The following DZIP3 variants were observed in gnomAD, a reference collection of about 807,000 sequenced individuals.
The protein encoded by DZIP3 is DAZ interacting zinc finger protein 3.
DZIP3 carries 118 observed loss-of-function variants against 162.0 expected under a neutral mutation model. That is an observed-to-expected ratio of 0.73 (90% CI 0.63 to 0.85). The LOEUF (loss-of-function observed/expected upper bound fraction) is 0.85. Among genes scored for constraint, DZIP3 ranks in the 40% least tolerant of loss-of-function variants. DZIP3 has a pLI of 0.00. For missense variants in DZIP3, 1,331 were observed against 1,407.0 expected (o/e 0.95, Z 0.86); for synonymous variants, 438 against 458.6 (o/e 0.96, Z 0.57).
chr3:108,671,137 A>AT (rs559860961), intron 22 of DZIP3, among the ~76,000 whole-genome samples: 4 of 151,804 alleles, frequency 2.6e-5, no homozygotes, highest in African/African-American at 9.6e-5. Context: ...CCGATTTGTA[A>AT]TTTTTTTCTT....
Position 108,669,681 on chromosome 3 carries a change from A to C in DZIP3, c.2424A>C (p.Lys808Asn). The C allele has an allele frequency of 1.2e-6, 2 of 1,610,870 alleles. No individual in the cohort carries two copies. The highest frequency in any genetic ancestry group is 8.5e-7 in the Non-Finnish European group (1 of 1,178,128). The change falls in exon 22 of 33, where the codon AAA (lysine) becomes AAC (asparagine). Residue 808 changes from lysine (K) to asparagine (N), a missense_variant and splice_region_variant. This residue lies in a region of DZIP3 where 1,278 missense variants were observed against 1,317.1 expected (regional missense o/e 0.97). Coordinates refer to ENST00000361582, the MANE Select transcript of DZIP3 (RefSeq NM_014648.4). The stretch of plus-strand genomic sequence containing the variant: ...TTGACTTTCTTGCTTGTTTGCTTAG[A>C]TTACAGCGTCAAATCCATGCTAAAG... ...QVAFGINKVS[K>N]LQRQIHAKDN...
chr3:108,629,008 CCA>C, intron 7 of DZIP3, 52 bp from the exon 8 acceptor site: 1 of 1,077,906 alleles, frequency 9.3e-7, no homozygotes, highest in Non-Finnish European at 1.3e-6. Flanking sequence ...CATTGGTAAA[CCA>C]TGCATCTACA....
intron 22 of DZIP3, among the ~76,000 whole-genome samples, chr3:108,671,468 A>G (rs947521652): frequency 2.0e-5 from 3 of 151,918 alleles, no homozygotes; most frequent in Non-Finnish European, 4.4e-5. Context: ...CTGAGATGGG[A>G]TAGATTAAAA....
At chr3:108,637,897 C>A (rs1942230864) in intron 12 of DZIP3, among the ~76,000 whole-genome samples, 1 of 152,112 alleles carries the variant, frequency 6.6e-6, no homozygotes, top group African/African-American at 2.4e-5. Context: ...TTAGAATCTT[C>A]CTGTTTCTTA....
At chr3:108,680,091 A>G (rs1344419662) in intron 26 of DZIP3, among the ~76,000 whole-genome samples, 3 of 152,132 alleles carry the variant, frequency 2.0e-5, no homozygotes, top group African/African-American at 7.2e-5. Context: ...ACAAAATTCA[A>G]CGTCAGTTTA....
At chr3:108,602,206 C>T (rs1940058848) in intron 1 of DZIP3, among the ~76,000 whole-genome samples, 1 of 152,066 alleles carries the variant, frequency 6.6e-6, no homozygotes, top group Non-Finnish European at 1.5e-5. Flanking sequence ...AAAAATTATG[C>T]ATAAGAGCTG....
intron 19 of DZIP3, among the ~76,000 whole-genome samples, chr3:108,661,390 A>G (rs894957526): frequency 5.1e-4 from 77 of 152,166 alleles, no homozygotes; most frequent in African/African-American, 1.8e-3. Context: ...CAAGGACAAA[A>G]AACGAAACAC....
chr3:108,593,189 T>G (rs1368614618), intron 1 of DZIP3, among the ~76,000 whole-genome samples: 1 of 152,238 alleles, frequency 6.6e-6, no homozygotes, highest in African/African-American at 2.4e-5. Context: ...ATAATAATAG[T>G]TTACACTTAT....
At chr3:108,616,508 T>TA in intron 4 of DZIP3, 33 bp from the exon 5 acceptor site, 1 of 1,425,936 alleles carries the variant, frequency 7.0e-7, no homozygotes, top group Non-Finnish European at 9.8e-7. Flanking sequence ...TGTTCAGACT[T>TA]ATAGACATTT....
upstream of DZIP3, chr3:108,589,541 G>C: frequency 1.9e-6 from 1 of 513,612 alleles, no homozygotes. Context: ...ACCGTTCTCG[G>C]TGACGGCCGG....
At chr3:108,678,137 A>G (rs754595233) in intron 26 of DZIP3, among the ~76,000 whole-genome samples, 23 of 151,782 alleles carry the variant, frequency 1.5e-4, no homozygotes, top group Non-Finnish European at 3.2e-4. Flanking sequence ...GATCTAGGTT[A>G]TGTGCTCCTT....
intron 7 of DZIP3, among the ~76,000 whole-genome samples, chr3:108,627,226 A>G: frequency 6.6e-6 from 1 of 152,224 alleles, no homozygotes; most frequent in East Asian, 1.9e-4. Flanking sequence ...CTCAGATGTG[A>G]AAACTGTTTT....
intron 3 of DZIP3, among the ~76,000 whole-genome samples, chr3:108,609,522 A>G (rs1391390980): frequency 7.9e-5 from 12 of 152,158 alleles, no homozygotes; most frequent in Non-Finnish European, 1.2e-4. Flanking sequence ...AGCATCAAAT[A>G]TTTTTTGACA....
intron 27 of DZIP3, among the ~76,000 whole-genome samples, chr3:108,685,394 G>C (rs1944462490): frequency 4.6e-5 from 7 of 152,074 alleles, no homozygotes; most frequent in Admixed American, 4.6e-4. Context: ...CTTAGGCTCT[G>C]TACAAATTAT....
intron 5 of DZIP3, among the ~76,000 whole-genome samples, chr3:108,619,915 AC>A (rs1229177875): frequency 6.6e-6 from 1 of 151,676 alleles, no homozygotes; most frequent in African/African-American, 2.4e-5. Context: ...AAAAAAAAAA[AC>A]AGGAAATTGA....
intron 23 of DZIP3, 79 bp from the exon 24 acceptor site, chr3:108,673,994 AAATTT>A: frequency 9.3e-7 from 1 of 1,070,728 alleles, no homozygotes; most frequent in African/African-American, 1.6e-5. Flanking sequence ...AAATAGCTTT[AAATTT>A]ACTTGAGATG....
chr3:108,642,101 G>C (rs1473405583), intron 12 of DZIP3, among the ~76,000 whole-genome samples: 2 of 152,118 alleles, frequency 1.3e-5, no homozygotes, highest in African/African-American at 4.8e-5. Context: ...TTCCAGATTT[G>C]CTATTTTTTT....
intron 19 of DZIP3, among the ~76,000 whole-genome samples, chr3:108,657,533 A>T (rs987043594): frequency 1.6e-4 from 24 of 152,292 alleles, no homozygotes; most frequent in East Asian, 9.6e-4. Context: ...AACTGCAAAA[A>T]CATGCCAAAT....
chr3:108,671,874 CTG>C (rs1341524882), intron 22 of DZIP3, among the ~76,000 whole-genome samples: 1 of 151,898 alleles, frequency 6.6e-6, no homozygotes, highest in Non-Finnish European at 1.5e-5. Context: ...TGTGAGGAAA[CTG>C]AGGTATAGAG....
Sources: gnomAD v4.1 joint callset for allele counts (sites outside exome capture counted in the v4.1 genomes callset) on GRCh38, gnomAD v4.1.1 for gene constraint, gnomAD v4.1.1 regional missense constraint, MANE v1.5 for transcripts, NCBI Gene and HGNC (gene_info 2026-07-23, HGNC 2026-07-21) for gene names.